Variants in IL1RL2 observed in about 807,000 individuals in gnomAD.
The protein encoded by IL1RL2 is interleukin 1 receptor like 2.
A neutral mutation model predicts 66.8 loss-of-function variants in IL1RL2; 68 were observed. The observed-to-expected ratio is 1.02, with a 90% CI of 0.84 to 1.25. IL1RL2 has a LOEUF of 1.25. Among genes scored for constraint, IL1RL2 ranks in the 50% most tolerant of loss-of-function variants. The pLI, the probability that IL1RL2 is intolerant of heterozygous loss-of-function variation, is 0.00. For missense variants in IL1RL2, 729 were observed against 709.3 expected, an observed-to-expected ratio of 1.03 and a Z score of -0.32; for synonymous variants, 305 against 264.6, an observed-to-expected ratio of 1.15 and a Z score of -1.48.
intron 4 of IL1RL2, among the ~76,000 whole-genome samples, chr2:102,195,555 C>CTT (rs1421512880): frequency 0.017 from 881 of 53,376 alleles, 198 homozygotes; most frequent in East Asian, 0.037. Flanking sequence ...CTATTTCTTT[C>CTT]TTTCTCTTTC....
chr2:102,201,878 G>C (rs1397467364), intron 5 of IL1RL2, among the ~76,000 whole-genome samples, 163 bp downstream of exon 5: 4 of 152,158 alleles, frequency 2.6e-5, no homozygotes, highest in Non-Finnish European at 2.9e-5. Context: ...CAGAAGGTGG[G>C]AAGAGTGAGG....
Position 102,232,992 on chromosome 2 carries a change from T to C in IL1RL2, c.1165T>C (p.Tyr389His), listed in dbSNP as rs745551184. 3.7e-6 allele frequency: 6 copies of C among 1,614,006 alleles called. No individual in the cohort carries two copies. Among genetic ancestry groups the C allele is most frequent in the East Asian group, 2.2e-5 (1 of 44,888 alleles). The change falls in exon 10 of 12, where the codon TAC becomes CAC. Residue 389 changes from tyrosine to histidine, a missense_variant. Coordinates refer to ENST00000264257, the MANE Select transcript of IL1RL2 (RefSeq NM_003854.4). ...GAAGCTGTATGACGCCTATGTCTTA[T>C]ACCCCAAGCCCCACAAGGAAAGCCA... ...DGKLYDAYVL[Y>H]PKPHKESQRH...
intron 11 of IL1RL2, among the ~76,000 whole-genome samples, chr2:102,238,491 C>T (rs554726349): frequency 2.8e-4 from 43 of 152,270 alleles, no homozygotes; most frequent in African/African-American, 9.9e-4. Context: ...TCCCCAGGGC[C>T]CCCCACACCC....
intron 6 of IL1RL2, among the ~76,000 whole-genome samples, chr2:102,216,631 G>A (rs958782837): frequency 6.6e-6 from 1 of 151,928 alleles, no homozygotes; most frequent in Admixed American, 6.6e-5. Flanking sequence ...TTGTATTCTG[G>A]TTGTTTTGCA....
chr2:102,208,495 T>C (rs1021921898), intron 5 of IL1RL2, among the ~76,000 whole-genome samples: 17 of 152,262 alleles, frequency 1.1e-4, no homozygotes, highest in African/African-American at 4.1e-4. Flanking sequence ...CTTTCTTTAG[T>C]AGAAAGTTGT....
At chr2:102,204,448 C>T (rs78196355) in intron 5 of IL1RL2, among the ~76,000 whole-genome samples, 42,600 of 151,804 alleles carry the variant, frequency 0.28, 6,606 homozygotes, top group East Asian at 0.39. Flanking sequence ...TGATTTTCTG[C>T]CTGGAAGATC....
At chr2:102,235,625 T>A in intron 11 of IL1RL2, 1 of 985,350 alleles carries the variant, frequency 1.0e-6, no homozygotes, top group Non-Finnish European at 1.2e-6. Context: ...AGTTTGCCCA[T>A]GATGTGGCAC....
At chr2:102,229,268 C>G (rs930427266) in intron 9 of IL1RL2, among the ~76,000 whole-genome samples, 6 of 152,324 alleles carry the variant, frequency 3.9e-5, no homozygotes, top group Middle Eastern at 3.4e-3. Flanking sequence ...TGCTTCTTTG[C>G]TAGGGTGTGG....
intron 9 of IL1RL2, among the ~76,000 whole-genome samples, chr2:102,228,268 G>A (rs369531030): frequency 6.6e-6 from 1 of 152,254 alleles, no homozygotes; most frequent in East Asian, 1.9e-4. Flanking sequence ...TCTTGTTTAT[G>A]TCCTTGTTCC....
intron 4 of IL1RL2, among the ~76,000 whole-genome samples, chr2:102,195,647 CTTTCTTTCTTTCTTTCTTTCTT>C (rs1170097121): frequency 2.4e-4 from 13 of 55,196 alleles, no homozygotes; most frequent in African/African-American, 6.9e-4. Flanking sequence ...CTCTCTCTCT[CTTTCTTTCTTTCTTTCTTTCTT>C]TCTTTCTTTC....
intron 9 of IL1RL2, 99 bp from the exon 10 acceptor site, chr2:102,232,864 A>T: frequency 7.3e-7 from 1 of 1,377,616 alleles, no homozygotes; most frequent in Non-Finnish European, 9.9e-7. Context: ...CATGGAACCC[A>T]GGCCAAAGGA....
chr2:102,189,277 G>A lies in IL1RL2; in HGVS notation c.260G>A (p.Trp87Ter). Residue 87 changes from tryptophan to a stop codon, truncating the protein, a stop_gained, in exon 3 of 12, where the codon TGG (tryptophan) becomes TAG (stop). Coordinates refer to ENST00000264257, the MANE Select transcript of IL1RL2 (RefSeq NM_003854.4). LOFTEE classifies it high-confidence loss of function. ...TGGATTTTGTTTCTCCCCATGGAAT[G>A]GGGGGACTCAGGAGTCTACCAATGT... ...ETWILFLPME[W>*]GDSGVYQCVI... 6.2e-7 allele frequency: 1 copy of A among 1,612,810 alleles called. No homozygotes were observed. The highest frequency in any genetic ancestry group is 8.5e-7 in the Non-Finnish European group (1 of 1,179,294).
chr2:102,200,995 C>G (rs1396273773), intron 4 of IL1RL2, among the ~76,000 whole-genome samples: 1 of 152,118 alleles, frequency 6.6e-6, no homozygotes, highest in Non-Finnish European at 1.5e-5. Context: ...AAGTCCAATG[C>G]TTGATAAGTG....
chr2:102,239,926 AT>A lies in IL1RL2; in HGVS notation c.*686del, dbSNP rs1675179355. On this transcript the variant is annotated 3_prime_UTR_variant, in exon 12 of 12. Coordinates refer to ENST00000264257, the MANE Select transcript of IL1RL2 (RefSeq NM_003854.4). ...ATGCCCTTTTCTCTGTTTTTCCACA[AT>A]GAACAATTAAACTGTAAATGTTAAA... is the stretch of plus-strand genomic sequence containing the variant. 1 of 152,306 alleles carries A rather than the reference AT, an allele frequency of 6.6e-6. No homozygotes were observed. The highest frequency in any genetic ancestry group is 2.4e-5 in the African/African-American group (1 of 41,468). The allele number at this position is 152,306 out of a possible 1,614,324, so 9.4% of individuals were successfully genotyped here. A position where few individuals can be genotyped will look rare whatever the true frequency, so the allele number is the denominator to read the frequency against.
chr2:102,231,327 G>A (rs1169787471), intron 9 of IL1RL2, among the ~76,000 whole-genome samples: 2 of 151,836 alleles, frequency 1.3e-5, no homozygotes, highest in African/African-American at 2.4e-5. Flanking sequence ...ACGAAACCCC[G>A]TCTCTGCTAA....
chr2:102,204,457 T>C (rs931566094), intron 5 of IL1RL2, among the ~76,000 whole-genome samples: 1 of 152,160 alleles, frequency 6.6e-6, no homozygotes, highest in African/African-American at 2.4e-5. Flanking sequence ...GCCTGGAAGA[T>C]CTGTCCAATG....
At chr2:102,211,810 G>A (rs1689194564) in intron 5 of IL1RL2, among the ~76,000 whole-genome samples, 2 of 152,110 alleles carry the variant, frequency 1.3e-5, no homozygotes, top group Admixed American at 1.3e-4. Flanking sequence ...ATTAAGTATT[G>A]AGATTTTATT....
chr2:102,226,337 C>T (rs929582572), intron 9 of IL1RL2, among the ~76,000 whole-genome samples: 9 of 152,180 alleles, frequency 5.9e-5, no homozygotes, highest in Non-Finnish European at 1.2e-4. Context: ...CGTCCATCCT[C>T]CGTCCACTGC....
At chr2:102,202,951 G>T (rs539946661) in intron 5 of IL1RL2, among the ~76,000 whole-genome samples, 2 of 152,142 alleles carry the variant, frequency 1.3e-5, no homozygotes, top group African/African-American at 4.8e-5. Context: ...CATCCTCCTC[G>T]TGTTCCAGAA....
Sources: gnomAD v4.1 joint callset for allele counts (sites outside exome capture counted in the v4.1 genomes callset) on GRCh38, gnomAD v4.1.1 for gene constraint, MANE v1.5 for transcripts, NCBI Gene and HGNC (gene_info 2026-07-23, HGNC 2026-07-21) for gene names.